Variants in PPP2R2B observed in about 807,000 individuals in gnomAD.
The protein encoded by PPP2R2B is protein phosphatase 2 regulatory subunit Bbeta.
Under a neutral mutation model 46.0 loss-of-function variants are expected in PPP2R2B, and 5 were observed. That is an observed-to-expected ratio of 0.11 (90% CI 0.06 to 0.23). The LOEUF (loss-of-function observed/expected upper bound fraction) is 0.23, where lower values mean the gene tolerates loss of function less well. Among genes scored for constraint, PPP2R2B ranks in the 10% least tolerant of loss-of-function variants. PPP2R2B has a pLI of 1.00. For missense variants in PPP2R2B, 367 were observed against 575.0 expected, an observed-to-expected ratio of 0.64 and a Z score of 3.70; for synonymous variants, 215 against 206.7, an observed-to-expected ratio of 1.04 and a Z score of -0.34.
At chr5:146,984,630 C>T (rs527507789) in intron 1 of PPP2R2B, among the ~76,000 whole-genome samples, 1 of 152,212 alleles carries the variant, frequency 6.6e-6, no homozygotes, top group African/African-American at 2.4e-5. Context: ...TATGGTAGTT[C>T]TGTTTTTAAC....
At position 146,744,448 on chromosome 5, in the gene PPP2R2B, C is replaced by T. The variant is rs1753055282; in HGVS notation, c.71-43306G>A. 5.9e-5 allele frequency among the ~76,000 whole-genome samples: 9 copies of T among 152,302 alleles called. No homozygotes were observed. In the South Asian group the frequency reaches 1.9e-3, roughly 32 times the overall value. On this transcript the variant is annotated intron_variant, in intron 2 of 9. Transcript: ENST00000394411. ...GGGGAACACAGAATTCATTCTCTTTCCTCCTCCAGTGACAACACACAGGCT... is the reference window on the plus strand; with the variant it reads ...GGGGAACACAGAATTCATTCTCTTTTCTCCTCCAGTGACAACACACAGGCT...
At chr5:146,727,024 A>AAG (rs1394494489) in intron 2 of PPP2R2B, among the ~76,000 whole-genome samples, 1 of 152,182 alleles carries the variant, frequency 6.6e-6, no homozygotes, top group Non-Finnish European at 1.5e-5. Context: ...CATCCTATAG[A>AAG]AGAGAGACAC....
rs528781041 is a variant in PPP2R2B, at chr5:147,010,473, T to C, written c.79+45192A>G. On this transcript the variant is annotated intron_variant, in intron 1 of 8. Transcript: ENST00000336640. ...GTTTTCCTTCAACTAGATGGTCCCA[T>C]GTTGGGGGTGATGGGAGACAGTGAC... Among the ~76,000 whole-genome samples, 4 of 152,268 alleles carry C rather than the reference T, an allele frequency of 2.6e-5. No individual in the cohort carries two copies. The East Asian group carries it at 7.7e-4, about 29-fold the overall frequency.
chr5:147,049,317 T>C (rs1756689288), intron 1 of PPP2R2B, among the ~76,000 whole-genome samples: 2 of 152,232 alleles, frequency 1.3e-5, no homozygotes, highest in Non-Finnish European at 2.9e-5. Context: ...GTCGAGTCTC[T>C]AGGAGAACAG....
Position 146,878,687 on chromosome 5 carries a change from G to T in PPP2R2B, c.-221C>A. 1.6e-6 allele frequency: 2 copies of T among 1,286,932 alleles called. No homozygotes were observed. The highest frequency in any genetic ancestry group is 2.0e-6 in the Non-Finnish European group (2 of 989,408). 79.7% of individuals were successfully genotyped at this position (1,286,932 alleles called of 1,614,324 possible). ...AGCTGGGCAGGGCGCTGCAGCCGGC[G>T]CCAGCGCACTCACCCTCACACCCAC... is the stretch of plus-strand genomic sequence containing the variant. On this transcript the variant is annotated 5_prime_UTR_variant, in exon 1 of 10. Transcript: ENST00000394411. The surrounding 1 kb of genome is among the most constrained non-coding windows in gnomAD (Gnocchi z 4.5).
chr5:146,888,841 G>T (rs1336425796), intron 1 of PPP2R2B, among the ~76,000 whole-genome samples: 1 of 152,116 alleles, frequency 6.6e-6, no homozygotes, highest in African/African-American at 2.4e-5. Flanking sequence ...ATAGCTCAGT[G>T]CTTTACTTCT....
chr5:146,714,352 G>A (rs980621431), intron 2 of PPP2R2B, among the ~76,000 whole-genome samples: 4 of 152,094 alleles, frequency 2.6e-5, no homozygotes, highest in Admixed American at 2.0e-4. Flanking sequence ...AATGGGAGGA[G>A]AGGAATTGGA....
chr5:146,729,369 G>C (rs1396965508), intron 2 of PPP2R2B, among the ~76,000 whole-genome samples: 1 of 152,204 alleles, frequency 6.6e-6, no homozygotes, highest in South Asian at 2.1e-4. Flanking sequence ...AAGGGAAACA[G>C]AGCATAAAAG....
chr5:146,647,907 CA>C (rs1561801666), intron 6 of PPP2R2B, among the ~76,000 whole-genome samples: 1 of 152,188 alleles, frequency 6.6e-6, no homozygotes, highest in Non-Finnish European at 1.5e-5. Flanking sequence ...GTTCCGTGAT[CA>C]ACAAAATATG....
intron 1 of PPP2R2B, among the ~76,000 whole-genome samples, chr5:147,033,919 C>A (rs1179093675): frequency 6.6e-6 from 1 of 152,070 alleles, no homozygotes; most frequent in Non-Finnish European, 1.5e-5. Context: ...CACACAGCAA[C>A]CAAATACCTT....
At chr5:146,908,345 C>G (rs1479867449) in intron 1 of PPP2R2B, among the ~76,000 whole-genome samples, 5 of 152,044 alleles carry the variant, frequency 3.3e-5, no homozygotes. Context: ...TTCCAAGTTT[C>G]AAGGAATTAT....
In PPP2R2B at chr5:146,861,414, A is replaced by G. The variant is rs147384928; in HGVS notation, c.70+16588T>C. ...CACCGTGTTAACCAGGATAGTCTCA[A>G]TCTCCTGACCTCGTGATCCACCCAG... is the stretch of plus-strand genomic sequence containing the variant. On this transcript the variant is annotated intron_variant, in intron 2 of 9. Coordinates refer to ENST00000394411, the MANE Select transcript of PPP2R2B (RefSeq NM_181675.4). Among the ~76,000 whole-genome samples the G allele has an allele frequency of 7.1e-4, 108 of 152,062 alleles. 2 individuals are homozygous for G. In the East Asian group the frequency reaches 0.02, roughly 29 times the overall value.
At chr5:146,629,209 A>C (rs1263498613) in intron 7 of PPP2R2B, among the ~76,000 whole-genome samples, 1 of 152,222 alleles carries the variant, frequency 6.6e-6, no homozygotes, top group African/African-American at 2.4e-5. Context: ...GATGAATCAC[A>C]GACATCTCAA....
chr5:146,738,901 A>G (rs1752703018), intron 2 of PPP2R2B, among the ~76,000 whole-genome samples: 1 of 152,222 alleles, frequency 6.6e-6, no homozygotes, highest in South Asian at 2.1e-4. Context: ...AGAACTGTGA[A>G]TATGATAGTC....
rs540567845 is a variant in PPP2R2B at position 146,878,523 on chromosome 5, C to G, written c.-125+68G>C. The G allele has an allele frequency of 7.1e-5, 91 of 1,281,460 alleles. No individual in the cohort carries two copies. The South Asian group carries it at 1.1e-3, about 16-fold the overall frequency. The allele number at this position is 1,281,460 out of a possible 1,614,324, so 79.4% of individuals were successfully genotyped here. ...CTCCCCCTGGGAGAGCGGGCAGCCG[C>G]GACAAAATGGTGCCTTTCTGGACCC... On this transcript the variant is annotated intron_variant, in intron 1 of 9. Coordinates refer to ENST00000394411, the MANE Select transcript of PPP2R2B (RefSeq NM_181675.4). This position sits in a 1 kb window ranked among gnomAD's most constrained non-coding sequence, Gnocchi z 4.5.
At chr5:146,815,492 T>C (rs1447475830) in intron 2 of PPP2R2B, among the ~76,000 whole-genome samples, 4 of 152,214 alleles carry the variant, frequency 2.6e-5, no homozygotes, top group African/African-American at 9.6e-5. Flanking sequence ...AATCAAAGGA[T>C]TTAGAGTACC....
intron 2 of PPP2R2B, among the ~76,000 whole-genome samples, chr5:146,800,084 A>G (rs2151304201): frequency 6.6e-6 from 1 of 152,326 alleles, no homozygotes; most frequent in East Asian, 1.9e-4. Flanking sequence ...GAATTATTAT[A>G]ACAATTAAGG....
intron 1 of PPP2R2B, among the ~76,000 whole-genome samples, chr5:146,956,906 C>A (rs1475475850): frequency 6.6e-6 from 1 of 152,186 alleles, no homozygotes; most frequent in Non-Finnish European, 1.5e-5. Flanking sequence ...GGGCATTAAT[C>A]CCATTTATTA....
At chr5:146,670,571 C>G (rs939731100) in intron 5 of PPP2R2B, among the ~76,000 whole-genome samples, 1 of 151,942 alleles carries the variant, frequency 6.6e-6, no homozygotes, top group Non-Finnish European at 1.5e-5. Context: ...TGTCGGCTCA[C>G]TGCAACCTCC....
Sources: allele counts gnomAD v4.1 joint callset (sites outside exome capture counted in the v4.1 genomes callset), GRCh38; gene constraint gnomAD v4.1.1; non-coding constraint Gnocchi (gnomAD v3.1); transcripts MANE v1.5; gene names NCBI Gene and HGNC (gene_info 2026-07-23, HGNC 2026-07-21).